The following NOL10 variants were observed in gnomAD, a reference collection of about 807,000 sequenced individuals.
NOL10 encodes the protein H_NH0074G24.1.
Under a neutral mutation model 103.5 loss-of-function variants are expected in NOL10, and 58 were observed. That is an observed-to-expected ratio of 0.56 (90% confidence interval 0.45 to 0.70). NOL10 has a LOEUF of 0.70. Among genes scored for constraint, NOL10 ranks in the 30% least tolerant of loss-of-function variants. The probability of loss-of-function intolerance (pLI) is 0.00; values close to 1 mark genes in which losing one functional copy is unlikely to be tolerated. For missense variants in NOL10, 763 were observed against 807.3 expected, an observed-to-expected ratio of 0.95 and a Z score of 0.67; for synonymous variants, 287 against 282.5, an observed-to-expected ratio of 1.02 and a Z score of -0.16.
At chr2:10,623,123 T>A (rs1490222470) in intron 13 of NOL10, among the ~76,000 whole-genome samples, 1 of 152,104 alleles carries the variant, frequency 6.6e-6, no homozygotes, top group East Asian at 1.9e-4. Context: ...ACAACCCCCA[T>A]TAAACAGGCA....
chr2:10,643,559 A>C (rs1678860888), intron 13 of NOL10, among the ~76,000 whole-genome samples: 1 of 152,186 alleles, frequency 6.6e-6, no homozygotes, highest in African/African-American at 2.4e-5. Context: ...GAGAAGAATT[A>C]TTTAAGGAGG....
At chr2:10,609,003 G>GA (rs1272924229) in intron 13 of NOL10, among the ~76,000 whole-genome samples, 3 of 152,012 alleles carry the variant, frequency 2.0e-5, no homozygotes, top group Non-Finnish European at 4.4e-5. Context: ...ATTCCATATA[G>GA]AACACTTTTT....
At chr2:10,584,097 C>T (rs1030409318) in intron 19 of NOL10, among the ~76,000 whole-genome samples, 31 of 152,302 alleles carry the variant, frequency 2.0e-4, no homozygotes, top group Admixed American at 1.5e-3. Context: ...CTGCACCGTG[C>T]CTCTGCCAGG....
intron 13 of NOL10, among the ~76,000 whole-genome samples, chr2:10,639,291 G>C (rs1246678161): frequency 2.0e-5 from 3 of 152,104 alleles, no homozygotes; most frequent in Non-Finnish European, 2.9e-5. Flanking sequence ...GCGTGGCAGC[G>C]TGCGCCTATA....
intron 12 of NOL10, among the ~76,000 whole-genome samples, chr2:10,645,491 G>A (rs956635085): frequency 2.0e-5 from 3 of 150,994 alleles, no homozygotes; most frequent in South Asian, 4.2e-4. Flanking sequence ...GATGCTGAGT[G>A]AATAGAGTCA....
At chr2:10,664,380 T>A (rs1180676898) in intron 8 of NOL10, among the ~76,000 whole-genome samples, 1 of 151,662 alleles carries the variant, frequency 6.6e-6, no homozygotes, top group East Asian at 1.9e-4. Flanking sequence ...GTGAGCCGAG[T>A]CCAGCCTGGG....
At chr2:10,638,775 G>A (rs1423941664) in intron 13 of NOL10, among the ~76,000 whole-genome samples, 1 of 138,112 alleles carries the variant, frequency 7.2e-6, no homozygotes, top group African/African-American at 2.7e-5. Flanking sequence ...ACAGGCGTTT[G>A]AGCCACCGTG....
At chr2:10,575,642 G>A (rs1674415921) in intron 20 of NOL10, among the ~76,000 whole-genome samples, 3 of 152,048 alleles carry the variant, frequency 2.0e-5, no homozygotes, top group Admixed American at 2.0e-4. Context: ...CTTCAACTCA[G>A]TACCTCCCGA....
chr2:10,583,704 T>C (rs1224073846), intron 19 of NOL10, among the ~76,000 whole-genome samples: 1 of 152,240 alleles, frequency 6.6e-6, no homozygotes, highest in African/African-American at 2.4e-5. Context: ...TTCTCACTCT[T>C]AGTCTTCTGG....
At chr2:10,672,877 C>T (rs2148345567) in intron 5 of NOL10, among the ~76,000 whole-genome samples, 1 of 152,172 alleles carries the variant, frequency 6.6e-6, no homozygotes, top group African/African-American at 2.4e-5. Flanking sequence ...CCTGTAGTTC[C>T]AGCTACTCAG....
At chr2:10,675,527 T>C (rs1681246456) in intron 4 of NOL10, among the ~76,000 whole-genome samples, 1 of 151,946 alleles carries the variant, frequency 6.6e-6, no homozygotes, top group South Asian at 2.1e-4. Context: ...AACTAACACG[T>C]GGAAGCATAT....
At chr2:10,680,077 C>T (rs191683339) in intron 3 of NOL10, among the ~76,000 whole-genome samples, 306 of 151,994 alleles carry the variant, frequency 2.0e-3, no homozygotes, top group Non-Finnish European at 3.6e-3. Flanking sequence ...GAGTTCGAGA[C>T]CAGCCTGGCC....
At chr2:10,574,009 A>T (rs1210090983) in intron 20 of NOL10, among the ~76,000 whole-genome samples, 2 of 138,292 alleles carry the variant, frequency 1.4e-5, no homozygotes, top group African/African-American at 6.2e-5. Context: ...GTGCTTACTG[A>T]AACTGTGCAA....
chr2:10,638,480 T>C, intron 13 of NOL10, among the ~76,000 whole-genome samples: 2 of 125,260 alleles, frequency 1.6e-5, no homozygotes, highest in Non-Finnish European at 3.3e-5. Flanking sequence ...ATAGCTGAAT[T>C]CCCTTTTTTT....
At chr2:10,645,509 C>G (rs1466967880) in intron 12 of NOL10, among the ~76,000 whole-genome samples, 1 of 150,664 alleles carries the variant, frequency 6.6e-6, no homozygotes, top group Non-Finnish European at 1.5e-5. Flanking sequence ...TCAATTACCA[C>G]TCAAGCAGGA....
chr2:10,632,523 T>G (rs1394632017), intron 13 of NOL10, among the ~76,000 whole-genome samples: 4 of 152,212 alleles, frequency 2.6e-5, no homozygotes, highest in African/African-American at 9.7e-5. Flanking sequence ...CAGGACCTAT[T>G]TTACAACTTT....
At chr2:10,686,188 A>C (rs905225007) in intron 1 of NOL10, among the ~76,000 whole-genome samples, 1 of 152,232 alleles carries the variant, frequency 6.6e-6, no homozygotes, top group Non-Finnish European at 1.5e-5. Flanking sequence ...CCATGGAAAA[A>C]ATAAAGCAAG....
In NOL10 at chr2:10,589,310, G is replaced by A; in HGVS notation, c.1597-20C>T. On this transcript the variant is annotated intron_variant, in intron 18 of 20. Coordinates refer to ENST00000381685, the MANE Select transcript of NOL10 (RefSeq NM_024894.4). ...CTCTTCCTGAGAATAAAAATAGTAA[G>A]CAGCAACTCCTTTCCCCCAGTCAAA... 6.2e-7 allele frequency: 1 copy of A among 1,611,398 alleles called. No homozygotes were observed. Among genetic ancestry groups the A allele is most frequent in the South Asian group, 1.1e-5 (1 of 90,988 alleles).
chr2:10,646,088 T>C (rs1423417707), intron 12 of NOL10, among the ~76,000 whole-genome samples: 1 of 152,192 alleles, frequency 6.6e-6, no homozygotes, highest in Non-Finnish European at 1.5e-5. Flanking sequence ...GAATCTTTCA[T>C]CTTAGCACTT....
Sources: gnomAD v4.1 joint callset for allele counts (sites outside exome capture counted in the v4.1 genomes callset) on GRCh38, gnomAD v4.1.1 for gene constraint, MANE v1.5 for transcripts, NCBI Gene and HGNC (gene_info 2026-07-23, HGNC 2026-07-21) for gene names.